The following RALYL variants were observed in gnomAD, a reference collection of about 807,000 sequenced individuals.
RALYL encodes RALY RNA binding protein like, also known as RNA-binding Raly-like protein.
Under a neutral mutation model 35.1 loss-of-function variants are expected in RALYL, and 29 were observed. The observed-to-expected ratio is 0.83, with a 90% CI of 0.61 to 1.13. The LOEUF is 1.13. Ranked by LOEUF, RALYL falls within the 50% of genes most tolerant of loss-of-function variation. The pLI is 0.00. For synonymous variants in RALYL, 120 were observed against 127.6 expected (o/e 0.94, Z 0.40); for missense variants, 359 against 360.4 (o/e 1.00, Z 0.03).
At chr8:84,641,843 G>A (rs1453952402) in intron 2 of RALYL, among the ~76,000 whole-genome samples, 1 of 150,058 alleles carries the variant, frequency 6.7e-6, no homozygotes, top group Non-Finnish European at 1.5e-5. Context: ...TTTTTGGCTG[G>A]GTCTCACAAC....
chr8:84,620,252 T>C (rs1821012752), intron 2 of RALYL, among the ~76,000 whole-genome samples: 2 of 152,350 alleles, frequency 1.3e-5, no homozygotes, highest in South Asian at 4.1e-4. Context: ...AGATTTGGTC[T>C]TTTCACATAG....
At position 84,871,091 on chromosome 8, in the gene RALYL, T is replaced by C. The variant is rs1439771354; in HGVS notation, c.572-2193T>C. Among the ~76,000 whole-genome samples, 3 of 152,138 alleles carry C rather than the reference T, an allele frequency of 2.0e-5. 1 individual carries two copies. Among genetic ancestry groups the C allele is most frequent in the South Asian group, 4.1e-4 (2 of 4,820 alleles). The stretch of plus-strand genomic sequence containing the variant: ...AGGGTCCAGGAAAGAACTGACAGGA[T>C]TTCCGTGTTACATTTCAACATTGTT... On this transcript the variant is annotated intron_variant, in intron 6 of 8. Coordinates refer to ENST00000521268, the MANE Select transcript of RALYL (RefSeq NM_173848.7).
At chr8:84,650,072 G>A (rs1288521013) in intron 2 of RALYL, among the ~76,000 whole-genome samples, 3 of 151,944 alleles carry the variant, frequency 2.0e-5, no homozygotes, top group Non-Finnish European at 4.4e-5. Context: ...TCATGATTTG[G>A]CTCTCTGTTT....
At chr8:84,610,433 A>C (rs1239700739) in intron 2 of RALYL, among the ~76,000 whole-genome samples, 1 of 152,124 alleles carries the variant, frequency 6.6e-6, no homozygotes, top group Non-Finnish European at 1.5e-5. Flanking sequence ...AATTTTTAGC[A>C]CATCACAACA....
At chr8:84,434,497 A>C (rs937784612) in intron 1 of RALYL, among the ~76,000 whole-genome samples, 9 of 152,164 alleles carry the variant, frequency 5.9e-5, no homozygotes, top group African/African-American at 1.9e-4. Flanking sequence ...TAACCATTTC[A>C]CAATGTATAC....
At chr8:84,420,635 G>A (rs2045414437) in intron 1 of RALYL, among the ~76,000 whole-genome samples, 2 of 135,148 alleles carry the variant, frequency 1.5e-5, no homozygotes, top group South Asian at 5.3e-4. Context: ...CCTATGTCCT[G>A]AATGGTAATG....
intron 3 of RALYL, among the ~76,000 whole-genome samples, chr8:84,783,569 A>C (rs1309024393): frequency 6.6e-6 from 1 of 152,202 alleles, no homozygotes; most frequent in African/African-American, 2.4e-5. Flanking sequence ...ACTTTATGCA[A>C]AAGAAAAACA....
intron 1 of RALYL, among the ~76,000 whole-genome samples, chr8:84,495,654 C>T (rs2055917693): frequency 6.6e-6 from 1 of 152,028 alleles, no homozygotes. Flanking sequence ...ATCTCATTGA[C>T]CTTTCATTTT....
intron 1 of RALYL, among the ~76,000 whole-genome samples, chr8:84,203,708 A>G (rs2131044531): frequency 1.3e-5 from 2 of 152,310 alleles, no homozygotes; most frequent in Middle Eastern, 6.8e-3. Flanking sequence ...AAGTTCAGGT[A>G]CAGAACACAC....
intron 1 of RALYL, among the ~76,000 whole-genome samples, chr8:84,234,769 ATT>A (rs113212845): frequency 0.1 from 15,141 of 149,042 alleles, 1,068 homozygotes; most frequent in African/African-American, 0.2. Flanking sequence ...TTATTTATTT[ATT>A]TTTTTTTTTT....
At chr8:84,291,778 C>A (rs998760914) in intron 1 of RALYL, among the ~76,000 whole-genome samples, 1 of 151,686 alleles carries the variant, frequency 6.6e-6, no homozygotes, top group Admixed American at 6.6e-5. Context: ...AATGGCATTA[C>A]GTTCATGCAG....
At chr8:84,629,022 C>T (rs796165471) in intron 2 of RALYL, among the ~76,000 whole-genome samples, 5 of 152,106 alleles carry the variant, frequency 3.3e-5, no homozygotes, top group African/African-American at 1.2e-4. Context: ...GCAAAAAGCA[C>T]AGCATTTAAT....
intron 1 of RALYL, among the ~76,000 whole-genome samples, chr8:84,502,403 A>G (rs539396765): frequency 8.5e-5 from 13 of 152,088 alleles, no homozygotes; most frequent in Non-Finnish European, 1.9e-4. Flanking sequence ...TCCCTTGACC[A>G]AGTTCTTTTT....
chr8:84,642,192 G>A (rs2131383577), intron 2 of RALYL, among the ~76,000 whole-genome samples: 1 of 152,034 alleles, frequency 6.6e-6, no homozygotes, highest in East Asian at 1.9e-4. Context: ...CCATGAGATA[G>A]CATCACAAAC....
At position 84,839,833 on chromosome 8, in the gene RALYL, C is replaced by T. The variant is rs112753776; in HGVS notation, c.366-10147C>T. The stretch of plus-strand genomic sequence containing the variant: ...ACCAATATCTGCTGTTCTGCAGCCA[C>T]GACTGCTGATGCCCAGGCAAACAGG... On this transcript the variant is annotated intron_variant, in intron 4 of 8. Transcript: ENST00000521268. Among the ~76,000 whole-genome samples the T allele has an allele frequency of 2.9e-3, 435 of 152,312 alleles. 1 individual carries two copies. The highest frequency in any genetic ancestry group is 9.7e-3 in the African/African-American group (403 of 41,568).
At chr8:84,261,973 A>G (rs1200044531) in intron 1 of RALYL, among the ~76,000 whole-genome samples, 2 of 152,154 alleles carry the variant, frequency 1.3e-5, no homozygotes, top group Non-Finnish European at 2.9e-5. Flanking sequence ...GACACTTGAC[A>G]GAGGAAATTT....
chr8:84,282,016 G>A (rs1003997346), intron 1 of RALYL, among the ~76,000 whole-genome samples: 1 of 151,990 alleles, frequency 6.6e-6, no homozygotes, highest in Non-Finnish European at 1.5e-5. Context: ...CTGAGCATGT[G>A]AAGTTTGCTG....
rs183088506 is a variant in RALYL, at chr8:84,492,764, T to C, written c.-23-36535T>C. Among the ~76,000 whole-genome samples, 2 of 152,240 alleles carry C rather than the reference T, an allele frequency of 1.3e-5. 1 individual carries two copies. The highest frequency in any genetic ancestry group is 1.3e-4 in the Admixed American group (2 of 15,248). ...ATGAATAAATATATCTTTCAAAAGG[T>C]ATTACATAATGTAGTTTCTTGCATT... On this transcript the variant is annotated intron_variant, in intron 1 of 8. Transcript: ENST00000521268.
At chr8:84,536,821 G>T (rs528437310) in intron 2 of RALYL, among the ~76,000 whole-genome samples, 17 of 152,248 alleles carry the variant, frequency 1.1e-4, no homozygotes, top group African/African-American at 4.1e-4. Context: ...CACTCTCGAA[G>T]ATACAAATCA....
Sources: gnomAD v4.1 joint callset for allele counts (sites outside exome capture counted in the v4.1 genomes callset) on GRCh38, gnomAD v4.1.1 for gene constraint, MANE v1.5 for transcripts, NCBI Gene and HGNC (gene_info 2026-07-23, HGNC 2026-07-21) for gene names.